The following SHROOM3 variants were observed in gnomAD, a reference collection of about 807,000 sequenced individuals.
The protein encoded by SHROOM3 is protein Shroom3.
SHROOM3 carries 47 observed loss-of-function variants against 138.6 expected under a neutral mutation model. The observed-to-expected ratio is 0.34, with a 90% CI of 0.27 to 0.43. The LOEUF (loss-of-function observed/expected upper bound fraction) is 0.43. Ranked by LOEUF, SHROOM3 falls within the 20% of genes least tolerant of loss-of-function variation. The pLI is 1.00. For missense variants in SHROOM3, 2,491 were observed against 2,596.5 expected (o/e 0.96, Z 0.88); for synonymous variants, 1,062 against 1,063.3 (o/e 1.00, Z 0.02).
At chr4:76,453,958 C>G (rs1730977418) in intron 1 of SHROOM3, among the ~76,000 whole-genome samples, 1 of 152,202 alleles carries the variant, frequency 6.6e-6, no homozygotes, top group African/African-American at 2.4e-5. Context: ...AGTCCAATGT[C>G]ATGAAACTTT....
At chr4:76,633,148 A>C (rs995985017) in intron 2 of SHROOM3, among the ~76,000 whole-genome samples, 4 of 151,126 alleles carry the variant, frequency 2.6e-5, no homozygotes, top group African/African-American at 9.7e-5. Context: ...AGGCGGGGGA[A>C]TCTCTTGAGG....
chr4:76,592,520 T>C (rs1001594583), intron 2 of SHROOM3, among the ~76,000 whole-genome samples: 1 of 152,206 alleles, frequency 6.6e-6, no homozygotes, highest in Non-Finnish European at 1.5e-5. Flanking sequence ...TTGTTTCTTA[T>C]GAGAATTAAA....
chr4:76,443,103 AG>A (rs1267408981), intron 1 of SHROOM3, among the ~76,000 whole-genome samples: 1 of 152,226 alleles, frequency 6.6e-6, no homozygotes, highest in Admixed American at 6.5e-5. Flanking sequence ...TTGAGAAAAA[AG>A]GGAAACTCAT....
intron 1 of SHROOM3, among the ~76,000 whole-genome samples, chr4:76,473,599 ACT>A (rs1048386033): frequency 6.6e-6 from 1 of 152,070 alleles, no homozygotes; most frequent in East Asian, 1.9e-4. Flanking sequence ...ACAGAGCAAG[ACT>A]CTGTCTCAAA....
chr4:76,651,401 A>ATATATATATATATATAT (rs1735955382), intron 2 of SHROOM3, among the ~76,000 whole-genome samples: 3 of 86,790 alleles, frequency 3.5e-5, no homozygotes, highest in Non-Finnish European at 7.3e-5. Flanking sequence ...GTAACCCATA[A>ATATATATATATATATAT]ATATATATAT....
chr4:76,762,055 G>C (rs947554273), intron 9 of SHROOM3, among the ~76,000 whole-genome samples: 3 of 152,100 alleles, frequency 2.0e-5, no homozygotes, highest in African/African-American at 7.2e-5. Flanking sequence ...AAGCTGACCA[G>C]GGTCAGGCCT....
At chr4:76,747,627 A>G (rs1423909082) in intron 5 of SHROOM3, among the ~76,000 whole-genome samples, 2 of 152,208 alleles carry the variant, frequency 1.3e-5, no homozygotes, top group Admixed American at 6.5e-5. Context: ...AGGCGCTCAC[A>G]TGGGACCTAG....
Position 76,779,976 on chromosome 4 carries a change from A to C in SHROOM3, c.*799A>C, listed in dbSNP as rs1046821401. 1 of 152,486 alleles carries C rather than the reference A, an allele frequency of 6.6e-6. No individual in the cohort carries two copies. The highest frequency in any genetic ancestry group is 2.4e-5 in the African/African-American group (1 of 41,442). 9.4% of individuals were successfully genotyped at this position (152,486 alleles called of 1,614,324 possible). On this transcript the variant is annotated 3_prime_UTR_variant, in exon 11 of 11. Transcript: ENST00000296043. ...GCATCATTTCCTAGTGCTTCATGTCATTATCACTGGTGGGGAAACAAAGCT... is the reference window on the plus strand; with the variant it reads ...GCATCATTTCCTAGTGCTTCATGTCCTTATCACTGGTGGGGAAACAAAGCT...
At chr4:76,468,544 A>T (rs1731294680) in intron 1 of SHROOM3, among the ~76,000 whole-genome samples, 1 of 151,418 alleles carries the variant, frequency 6.6e-6, no homozygotes, top group South Asian at 2.1e-4. Flanking sequence ...TTTATTTTTA[A>T]ATTATTATGT....
Position 76,738,973 on chromosome 4 carries a change from C to G in SHROOM3, c.800C>G (p.Ser267Cys), listed in dbSNP as rs931394479. 1 of 1,614,078 alleles carries G rather than the reference C, an allele frequency of 6.2e-7. No homozygotes were observed. The highest frequency in any genetic ancestry group is 8.5e-7 in the Non-Finnish European group (1 of 1,180,036). ...DSAYSSFSTSSSILEYPHPGI... is the reference protein window; with the variant it reads ...DSAYSSFSTSCSILEYPHPGI... ...GCTTACAGCTCTTTCTCCACCAGTT[C>G]TAGCATCCTAGAGTATCCACACCCT... The change falls in exon 5 of 11, where the codon TCT (serine) becomes TGT (cysteine). Residue 267 changes from serine (S) to cysteine (C), a missense_variant. By Grantham distance (112) the Ser-to-Cys change is moderately radical. Transcript: ENST00000296043.
intron 2 of SHROOM3, among the ~76,000 whole-genome samples, chr4:76,687,030 C>G (rs541053707): frequency 6.6e-6 from 1 of 152,034 alleles, no homozygotes; most frequent in Non-Finnish European, 1.5e-5. Context: ...CACTCCAGCA[C>G]CAGAGGTGGC....
At chr4:76,765,701 G>T (rs1043053218) in intron 9 of SHROOM3, among the ~76,000 whole-genome samples, 5 of 152,032 alleles carry the variant, frequency 3.3e-5, no homozygotes, top group African/African-American at 1.2e-4. Flanking sequence ...TAATATGAGC[G>T]GTGTGTCATC....
intron 1 of SHROOM3, among the ~76,000 whole-genome samples, chr4:76,478,660 A>T (rs548615121): frequency 6.6e-6 from 1 of 152,298 alleles, no homozygotes; most frequent in African/African-American, 2.4e-5. Flanking sequence ...AAGTGGGTTC[A>T]TGACCCCCTT....
At chr4:76,628,227 T>TA (rs1219854556) in intron 2 of SHROOM3, among the ~76,000 whole-genome samples, 2 of 152,244 alleles carry the variant, frequency 1.3e-5, no homozygotes, top group Non-Finnish European at 2.9e-5. Flanking sequence ...TCTTAGATCT[T>TA]ACGTTAGAAT....
chr4:76,570,309 G>C (rs2110037709), intron 2 of SHROOM3, among the ~76,000 whole-genome samples: 1 of 152,252 alleles, frequency 6.6e-6, no homozygotes, highest in South Asian at 2.1e-4. Flanking sequence ...TCTGTTTACA[G>C]TTTCACATCT....
chr4:76,739,289 C>T lies in SHROOM3; in HGVS notation c.1116C>T (p.Ala372=). The change falls in exon 5 of 11, where the codon GCC becomes GCT. Residue 372 remains alanine, a synonymous_variant. Transcript: ENST00000296043. ...AGTGCCCCAGTTCCTTGGAGACTGC[C>T]ACGGACAACCTTCCTCCTAAGGTGG... is the stretch of plus-strand genomic sequence containing the variant. The part of the protein sequence containing the change: ...SQQCPSSLET[A]TDNLPPKVGA... 1 of 1,614,002 alleles carries T rather than the reference C, an allele frequency of 6.2e-7. No homozygotes were observed. The highest frequency in any genetic ancestry group is 8.5e-7 in the Non-Finnish European group (1 of 1,179,994).
rs557182986 is a variant in SHROOM3, at chr4:76,696,350, C to T, written c.324-13806C>T. Among the ~76,000 whole-genome samples the T allele has an allele frequency of 5.9e-5, 9 of 152,340 alleles. No homozygotes were observed. The South Asian group carries it at 8.3e-4, about 14-fold the overall frequency. On this transcript the variant is annotated intron_variant, in intron 2 of 10. Transcript: ENST00000296043. Reference sequence around the variant, plus strand: ...CCCTTTGTGTCGGTTCCCATGGTTACCTCCTCACTACTGGCAGCTGGAATG... The same window carrying T: ...CCCTTTGTGTCGGTTCCCATGGTTATCTCCTCACTACTGGCAGCTGGAATG...
intron 4 of SHROOM3, among the ~76,000 whole-genome samples, chr4:76,732,317 C>T (rs1024609174): frequency 4.6e-5 from 7 of 152,236 alleles, no homozygotes; most frequent in African/African-American, 1.7e-4. Context: ...ACTTAATGAA[C>T]AGATGGTAGC....
chr4:76,528,562 T>TTTTTTTTG (rs1732754135), intron 1 of SHROOM3, among the ~76,000 whole-genome samples: 2 of 146,366 alleles, frequency 1.4e-5, no homozygotes, highest in South Asian at 2.2e-4. Context: ...TTTTTTTTTT[T>TTTTTTTTG]GAGGCAGAGT....
Sources: allele counts gnomAD v4.1 joint callset (sites outside exome capture counted in the v4.1 genomes callset), GRCh38; gene constraint gnomAD v4.1.1; transcripts MANE v1.5; gene names NCBI Gene and HGNC (gene_info 2026-07-23, HGNC 2026-07-21).